The following ALDOB variants were observed in gnomAD, a reference collection of about 807,000 sequenced individuals.
ALDOB encodes aldolase, fructose-bisphosphate B, also known as fructose-bisphosphate aldolase B.
In ALDOB, 39 loss-of-function variants were observed where a neutral mutation model predicts 41.0. The ratio of observed to expected loss-of-function variants is 0.95; its 90% CI spans 0.74 to 1.24. The LOEUF (loss-of-function observed/expected upper bound fraction) is 1.24, where lower values mean the gene tolerates loss of function less well. ALDOB is among the 50% of genes most tolerant of loss of function. The pLI, the probability that ALDOB is intolerant of heterozygous loss-of-function variation, is 0.00. For missense variants in ALDOB, 530 were observed against 457.3 expected (o/e 1.16, Z -1.45); for synonymous variants, 175 against 168.8 (o/e 1.04, Z -0.28).
chr9:101,424,221 T>C (rs476934), intron 8 of ALDOB, among the ~76,000 whole-genome samples: 129,472 of 152,088 alleles, frequency 0.85, 55,504 homozygotes, highest in Non-Finnish European at 0.88. Context: ...AGTTTGAGAC[T>C]AGCCTGGCCA....
chr9:101,433,654 A>G (rs1209482946), intron 1 of ALDOB, among the ~76,000 whole-genome samples: 3 of 152,256 alleles, frequency 2.0e-5, no homozygotes, highest in Admixed American at 6.5e-5. Flanking sequence ...TAATTAAAAA[A>G]TGATATATAC....
chr9:101,434,285 T>C (rs564003518), intron 1 of ALDOB, among the ~76,000 whole-genome samples: 1 of 152,238 alleles, frequency 6.6e-6, no homozygotes, highest in Non-Finnish European at 1.5e-5. Flanking sequence ...GCCTTCTAAG[T>C]TGTGATGTTC....
chr9:101,429,989 A>C (rs1454447604), intron 2 of ALDOB, 23 bp from the exon 3 acceptor site: 3 of 1,604,360 alleles, frequency 1.9e-6, no homozygotes, highest in Non-Finnish European at 2.6e-6. Context: ...GGCCAAGGGC[A>C]GCATAAGGAG....
Position 101,430,837 on chromosome 9 carries a change from T to C in ALDOB, c.51A>G (p.Ser17=), listed in dbSNP as rs2118366331. The change falls in exon 2 of 9, where the codon TCA becomes TCG. Residue 17 remains serine, a synonymous_variant. Coordinates refer to ENST00000647789, the MANE Select transcript of ALDOB (RefSeq NM_000035.4). Reference sequence around the variant, plus strand: ...TGGCAACAATGCTCTGGGCAATTTCTGAGAGCTCCTTCTTCTGCTCCTGGG... The same window carrying C: ...TGGCAACAATGCTCTGGGCAATTTCCGAGAGCTCCTTCTTCTGCTCCTGGG... The part of the protein sequence containing the change: ...ALTQEQKKEL[S]EIAQSIVANG... The C allele has an allele frequency of 6.2e-7, 1 of 1,614,202 alleles. No individual in the cohort carries two copies. Among genetic ancestry groups the C allele is most frequent in the South Asian group, 1.1e-5 (1 of 91,086 alleles).
chr9:101,424,306 C>A (rs1564077099), intron 8 of ALDOB, among the ~76,000 whole-genome samples: 1 of 152,106 alleles, frequency 6.6e-6, no homozygotes, highest in South Asian at 2.1e-4. Flanking sequence ...CTAGTCCCAG[C>A]TACTTGGGAG....
intron 1 of ALDOB, among the ~76,000 whole-genome samples, chr9:101,432,078 T>C (rs937174461): frequency 2.0e-5 from 3 of 152,216 alleles, no homozygotes; most frequent in African/African-American, 7.2e-5. Context: ...CCTGTCCTCA[T>C]GACAAATATA....
intron 4 of ALDOB, 105 bp from the exon 5 acceptor site, chr9:101,427,747 C>G (rs1032441101): frequency 6.3e-6 from 9 of 1,421,160 alleles, no homozygotes; most frequent in Non-Finnish European, 8.8e-6. Context: ...TTTCAATCCA[C>G]TGTGCTTGAG....
rs1378227814 is a variant in ALDOB, at chr9:101,425,027, G to A, written c.815C>T (p.Ser272Phe). 10 of 1,614,042 alleles carry A rather than the reference G, an allele frequency of 6.2e-6. No homozygotes were observed. The highest frequency in any genetic ancestry group is 1.3e-5 in the African/African-American group (1 of 74,918). The change falls in exon 8 of 9, where the codon TCT (serine) becomes TTT (phenylalanine). Residue 272 changes from serine (S) to phenylalanine (F), a missense_variant. Transcript: ENST00000647789. ...PAAVPGICFL[S>F]GGMSEEDATL... ...GGCATCCTCTTCACTCATGCCACCA[G>A]ACAAAAAGCAGATGCCTGGTAGGAG...
intron 4 of ALDOB, 150 bp downstream of exon 4, chr9:101,428,319 T>C (rs1193229235): frequency 2.6e-6 from 2 of 755,918 alleles, no homozygotes; most frequent in African/African-American, 1.7e-5. Context: ...GTCACAGTTG[T>C]TAAATGGAGG....
chr9:101,433,860 C>T (rs1369227901), intron 1 of ALDOB, among the ~76,000 whole-genome samples: 2 of 152,090 alleles, frequency 1.3e-5, no homozygotes, highest in Admixed American at 6.5e-5. Flanking sequence ...GCCTCGTCCT[C>T]CTGGGCTCAA....
chr9:101,433,897 C>G (rs1035828007), intron 1 of ALDOB, among the ~76,000 whole-genome samples: 12 of 151,896 alleles, frequency 7.9e-5, no homozygotes, highest in African/African-American at 2.9e-4. Flanking sequence ...AGACACCAAG[C>G]AGCTGAAACT....
rs527985839 is a variant in ALDOB at position 101,429,678 on chromosome 9, G to A, written c.324+77C>T. On this transcript the variant is annotated intron_variant, in intron 3 of 8. Transcript: ENST00000647789. Reference sequence around the variant, plus strand: ...ATTTGATGAGGAGAATGTTCAGAGTGTTGGCCCTGTCCTTGCCAGTGTGCT... The same window carrying A: ...ATTTGATGAGGAGAATGTTCAGAGTATTGGCCCTGTCCTTGCCAGTGTGCT... 6.2e-5 allele frequency: 81 copies of A among 1,305,668 alleles called. No individual in the cohort carries two copies. The African/African-American group carries it at 1.1e-3, about 18-fold the overall frequency. The allele number at this position is 1,305,668 out of a possible 1,614,324, so 80.9% of individuals were successfully genotyped here.
At chr9:101,424,742 A>C in intron 8 of ALDOB, 101 bp downstream of exon 8, 1 of 1,375,118 alleles carries the variant, frequency 7.3e-7, no homozygotes, top group Non-Finnish European at 1.0e-6. Flanking sequence ...CACTATCGGT[A>C]GATACCTTCT....
In ALDOB at chr9:101,425,537, C is replaced by G; in HGVS notation, c.715G>C (p.Ala239Pro). 6.2e-7 allele frequency: 1 copy of G among 1,614,124 alleles called. No homozygotes were observed. Among genetic ancestry groups the G allele is most frequent in the Non-Finnish European group, 8.5e-7 (1 of 1,180,018 alleles). The part of the protein sequence containing the change: ...LKPNMVTAGH[A>P]CTKKYTPEQV... ...TCTGGAGTATACTTCTTGGTGCAGGCATGTCCAGCAGTCACCATGTTGGGC... is the reference window on the plus strand; with the variant it reads ...TCTGGAGTATACTTCTTGGTGCAGGGATGTCCAGCAGTCACCATGTTGGGC... The change falls in exon 7 of 9, where the codon GCC becomes CCC. Residue 239 changes from alanine to proline, a missense_variant. By Grantham distance (27) the Ala-to-Pro change is conservative. Transcript: ENST00000647789.
Position 101,426,550 on chromosome 9 carries a change from C to T in ALDOB, c.624+5G>A. On this transcript the variant is annotated splice_donor_5th_base_variant and intron_variant, in intron 6 of 8. Transcript: ENST00000647789. ...AGAATTGGGGCCTTCATATTTAAAA[C>T]TTACCTTCTCAGTAACATACTGGCA... 1 of 1,601,710 alleles carries T rather than the reference C, an allele frequency of 6.2e-7. No individual in the cohort carries two copies. Among genetic ancestry groups the T allele is most frequent in the South Asian group, 1.1e-5 (1 of 90,816 alleles).
At position 101,421,678 on chromosome 9, in the gene ALDOB, A is replaced by T; in HGVS notation, c.*131T>A. The T allele has an allele frequency of 1.3e-6, 1 of 773,262 alleles. No individual in the cohort carries two copies. Among genetic ancestry groups the T allele is most frequent in the Non-Finnish European group, 2.3e-6 (1 of 434,958 alleles). 47.9% of individuals were successfully genotyped at this position (773,262 alleles called of 1,614,324 possible). A position where few individuals can be genotyped will look rare whatever the true frequency, so the allele number is the denominator to read the frequency against. On this transcript the variant is annotated 3_prime_UTR_variant, in exon 9 of 9. Transcript: ENST00000647789. ...GATTTATTTTTTCCCCCTTGTACTT[A>T]AGATTTAACATGTGTTGTATTTCCA...
intron 1 of ALDOB, among the ~76,000 whole-genome samples, chr9:101,434,249 A>G (rs1372636685): frequency 1.3e-5 from 2 of 152,218 alleles, no homozygotes; most frequent in Admixed American, 6.5e-5. Context: ...TGAGGAAACT[A>G]AAGCCAGAGA....
At position 101,421,790 on chromosome 9, in the gene ALDOB, G is replaced by C; in HGVS notation, c.*19C>G. ...CCTCCTACTAGAAGCACTGGAGCTA[G>C]GCTGGCGGGCATTGGACCCTAGTAG... On this transcript the variant is annotated 3_prime_UTR_variant, in exon 9 of 9. Coordinates refer to ENST00000647789, the MANE Select transcript of ALDOB (RefSeq NM_000035.4). 6.2e-7 allele frequency: 1 copy of C among 1,609,370 alleles called. No homozygotes were observed. Among genetic ancestry groups the C allele is most frequent in the South Asian group, 1.1e-5 (1 of 90,814 alleles).
Position 101,425,576 on chromosome 9 carries a change from C to T in ALDOB, c.676G>A (p.Gly226Ser), listed in dbSNP as rs1418372535. The change falls in exon 7 of 9, where the codon GGC becomes AGC. Residue 226 changes from glycine to serine, a missense_variant. Transcript: ENST00000647789. ...ACCATGTTGGGCTTTAGCAGGGTGC[C>T]CTCCAGGTAAACATGATGGTCATTC... Reference protein sequence around the residue: ...ALNDHHVYLEGTLLKPNMVTA... With the variant: ...ALNDHHVYLESTLLKPNMVTA... 2.5e-6 allele frequency: 4 copies of T among 1,614,092 alleles called. No homozygotes were observed. Among genetic ancestry groups the T allele is most frequent in the Non-Finnish European group, 3.4e-6 (4 of 1,180,032 alleles).
Sources: allele counts gnomAD v4.1 joint callset (sites outside exome capture counted in the v4.1 genomes callset), GRCh38; gene constraint gnomAD v4.1.1; transcripts MANE v1.5; gene names NCBI Gene and HGNC (gene_info 2026-07-23, HGNC 2026-07-21).